The following PPP1R12C variants were observed in gnomAD, a reference collection of about 807,000 sequenced individuals.
The protein encoded by PPP1R12C is leukocyte receptor cluster (LRC) encoded novel gene 3.
In PPP1R12C, 48 loss-of-function variants were observed where a neutral mutation model predicts 95.6. The observed-to-expected ratio is 0.50, with a 90% CI of 0.40 to 0.64. The LOEUF is 0.64. PPP1R12C is among the 30% of genes least tolerant of loss of function. The pLI, the probability that PPP1R12C is intolerant of heterozygous loss-of-function variation, is 0.00. For synonymous variants in PPP1R12C, 480 were observed against 460.8 expected, an observed-to-expected ratio of 1.04 and a Z score of -0.53; for missense variants, 1,057 against 1,083.3, an observed-to-expected ratio of 0.98 and a Z score of 0.34.
chr19:55,106,240 G>A (rs1031908567), intron 3 of PPP1R12C, among the ~76,000 whole-genome samples: 1 of 152,168 alleles, frequency 6.6e-6, no homozygotes, highest in African/African-American at 2.4e-5. Context: ...AGAGTTTAGT[G>A]ATTGATCCAT....
Position 55,091,081 on chromosome 19 carries a change from G to C in PPP1R12C, c.*391C>G. The C allele has an allele frequency of 3.7e-6, 1 of 267,802 alleles. No homozygotes were observed. Among genetic ancestry groups the C allele is most frequent in the Non-Finnish European group, 7.3e-6 (1 of 137,546 alleles). 16.6% of individuals were successfully genotyped at this position (267,802 alleles called of 1,614,324 possible). ...CAGGCCCACCTGGCTGAGGCTGGCG[G>C]GACTCTTGGCACATTCTTGGATCCC... On this transcript the variant is annotated 3_prime_UTR_variant, in exon 22 of 22. Coordinates refer to ENST00000263433, the MANE Select transcript of PPP1R12C (RefSeq NM_017607.4).
In PPP1R12C at chr19:55,092,797, T is replaced by C; in HGVS notation, c.1897A>G (p.Arg633Gly). ...GAGCCCCTCACCTCCGCAGGCCCCC[T>C]CCACTCCTTTCCGACCTTGCGGTGC... ...REHRKVGKEW[R>G]GPAEGEEAEP... Residue 633 changes from arginine (R) to glycine (G), a missense_variant, in exon 16 of 22, where the codon AGG (arginine) becomes GGG (glycine). By Grantham distance (125) the Arg-to-Gly change is moderately radical. This residue lies in a region of PPP1R12C where 347 missense variants were observed against 307.9 expected (regional missense o/e 1.13). Coordinates refer to ENST00000263433, the MANE Select transcript of PPP1R12C (RefSeq NM_017607.4). 6.5e-7 allele frequency: 1 copy of C among 1,535,372 alleles called. No homozygotes were observed. The highest frequency in any genetic ancestry group is 8.8e-7 in the Non-Finnish European group (1 of 1,138,544).
intron 11 of PPP1R12C, chr19:55,095,038 T>A: frequency 1.5e-6 from 1 of 675,356 alleles, no homozygotes; most frequent in Non-Finnish European, 2.5e-6. Flanking sequence ...GGTGTGCGTG[T>A]GCGGACGGCG....
At chr19:55,098,243 C>T (rs1400775533) in intron 6 of PPP1R12C, among the ~76,000 whole-genome samples, 2 of 152,216 alleles carry the variant, frequency 1.3e-5, no homozygotes, top group Admixed American at 1.3e-4. Flanking sequence ...CGCACCATAC[C>T]ATTCCCATTT....
chr19:55,097,648 CCGCAG>C (rs1568810029), intron 6 of PPP1R12C, among the ~76,000 whole-genome samples: 49 of 120,292 alleles, frequency 4.1e-4, no homozygotes, highest in Non-Finnish European at 8.3e-4. Context: ...CACCCCTTCC[CCGCAG>C]TTCACCACCG....
chr19:55,102,935 C>A (rs1465812481), intron 4 of PPP1R12C, among the ~76,000 whole-genome samples: 1 of 152,218 alleles, frequency 6.6e-6, no homozygotes, highest in African/African-American at 2.4e-5. Context: ...AGCACAGTGG[C>A]TTACACCTGT....
intron 3 of PPP1R12C, among the ~76,000 whole-genome samples, chr19:55,110,534 G>A (rs1402104866): frequency 6.6e-6 from 1 of 152,224 alleles, no homozygotes; most frequent in Admixed American, 6.5e-5. Flanking sequence ...GGTTTTCCTT[G>A]TGGCAGGAGA....
intron 3 of PPP1R12C, among the ~76,000 whole-genome samples, chr19:55,105,941 TA>T (rs879751133): frequency 4.0e-3 from 556 of 138,620 alleles, no homozygotes; most frequent in Non-Finnish European, 4.0e-3. Context: ...GATCCTGTCT[TA>T]AAAAAAAAAA....
chr19:55,104,997 C>T (rs1011903619), intron 3 of PPP1R12C, among the ~76,000 whole-genome samples: 2 of 151,704 alleles, frequency 1.3e-5, no homozygotes, highest in African/African-American at 2.4e-5. Flanking sequence ...GTCTTGAACT[C>T]CTGACCTCAT....
At position 55,112,592 on chromosome 19, in the gene PPP1R12C, G is replaced by A. The variant is rs767206503; in HGVS notation, c.453-7C>T. ...CCCGTGGCTCAGGAGGTACCTGGGG[G>A]TGGGGGCTGGTCAGGGCTGAGGGTC... On this transcript the variant is annotated splice_polypyrimidine_tract_variant and splice_region_variant and intron_variant, in intron 2 of 21. Coordinates refer to ENST00000263433, the MANE Select transcript of PPP1R12C (RefSeq NM_017607.4). 1.2e-6 allele frequency: 2 copies of A among 1,613,016 alleles called. No homozygotes were observed. The highest frequency in any genetic ancestry group is 2.7e-5 in the African/African-American group (2 of 74,888).
At chr19:55,103,318 C>T (rs932304631) in intron 4 of PPP1R12C, 91 bp downstream of exon 4, 8 of 1,259,262 alleles carry the variant, frequency 6.4e-6, no homozygotes, top group Non-Finnish European at 8.3e-6. Context: ...AAATACATAG[C>T]CTTCGGTACA....
Position 55,102,407 on chromosome 19 carries a change from G to A in PPP1R12C, c.731+1002C>T, listed in dbSNP as rs187939520. 4.8e-3 allele frequency among the ~76,000 whole-genome samples: 732 copies of A among 152,334 alleles called. 7 individuals carry two copies. The highest frequency in any genetic ancestry group is 5.5e-3 in the Non-Finnish European group (377 of 68,026). ...CACTCTCATAGTCACAGCTCCTGGGGAGGCTGAGGCAGGAGAATTCCTTGA... is the reference window on the plus strand; with the variant it reads ...CACTCTCATAGTCACAGCTCCTGGGAAGGCTGAGGCAGGAGAATTCCTTGA... On this transcript the variant is annotated intron_variant, in intron 4 of 21. Coordinates refer to ENST00000263433, the MANE Select transcript of PPP1R12C (RefSeq NM_017607.4).
intron 3 of PPP1R12C, chr19:55,112,236 C>T (rs2085104155): frequency 5.9e-6 from 1 of 168,450 alleles, no homozygotes; most frequent in Non-Finnish European, 1.2e-5. Context: ...GATTGACAGT[C>T]CCAGTTGGTA....
chr19:55,094,827 T>A, intron 11 of PPP1R12C, 29 bp from the exon 12 acceptor site: 1 of 1,568,228 alleles, frequency 6.4e-7, no homozygotes, highest in Non-Finnish European at 8.6e-7. Flanking sequence ...TCCACAAACA[T>A]TACCCAGGTG....
intron 4 of PPP1R12C, 106 bp from the exon 5 acceptor site, chr19:55,099,201 A>T: frequency 1.5e-6 from 2 of 1,293,088 alleles, no homozygotes; most frequent in Non-Finnish European, 2.1e-6. Flanking sequence ...CGAGACTGAA[A>T]CGTCCCTGGA....
intron 3 of PPP1R12C, among the ~76,000 whole-genome samples, chr19:55,107,259 C>G (rs1188977946): frequency 6.6e-6 from 1 of 152,026 alleles, no homozygotes; most frequent in Non-Finnish European, 1.5e-5. Context: ...ACTAAAAATA[C>G]AAAAATTAGC....
rs1229208309 is a variant in PPP1R12C, at chr19:55,095,329, G to A, written c.1416C>T (p.Thr472=). 1.3e-6 allele frequency: 2 copies of A among 1,591,628 alleles called. No individual in the cohort carries two copies. The highest frequency in any genetic ancestry group is 1.1e-5 in the South Asian group (1 of 87,476). ...QAKELRLARI[T]PTPSPKLPEP... ...CCGGCAGCTTCGGGGAGGGGGTCGG[G>A]GTAATTCTGGCAAGACGGAGCTCCT... Residue 472 remains threonine (T), a synonymous_variant, in exon 11 of 22, where the codon ACC becomes ACT. Coordinates refer to ENST00000263433, the MANE Select transcript of PPP1R12C (RefSeq NM_017607.4).
At chr19:55,117,059 G>C (rs1413370060) in intron 1 of PPP1R12C, among the ~76,000 whole-genome samples, 164 bp downstream of exon 1, 1 of 152,122 alleles carries the variant, frequency 6.6e-6, no homozygotes, top group Admixed American at 6.5e-5. Context: ...TGGTCGAAGG[G>C]GAATGGTAAG....
At chr19:55,116,295 G>A (rs1338825105) in intron 1 of PPP1R12C, among the ~76,000 whole-genome samples, 2 of 151,962 alleles carry the variant, frequency 1.3e-5, no homozygotes, top group Non-Finnish European at 2.9e-5. Context: ...GCATGGGGTT[G>A]GGTGAGGGAG....
Sources: gnomAD v4.1 joint callset for allele counts (sites outside exome capture counted in the v4.1 genomes callset) on GRCh38, gnomAD v4.1.1 for gene constraint, gnomAD v4.1.1 regional missense constraint, MANE v1.5 for transcripts, NCBI Gene and HGNC (gene_info 2026-07-23, HGNC 2026-07-21) for gene names.